The following PARN variants were observed in gnomAD, a reference collection of about 807,000 sequenced individuals.
PARN encodes the protein poly(A)-specific ribonuclease PARN.
A neutral mutation model predicts 102.8 loss-of-function variants in PARN; 71 were observed. The observed-to-expected ratio is 0.69, with a 90% CI of 0.57 to 0.84. The LOEUF (loss-of-function observed/expected upper bound fraction) is 0.84. PARN is among the 40% of genes least tolerant of loss of function. The probability of loss-of-function intolerance (pLI) is 0.00; values close to 1 mark genes in which losing one functional copy is unlikely to be tolerated. For synonymous variants in PARN, 261 were observed against 252.9 expected, an observed-to-expected ratio of 1.03 and a Z score of -0.30; for missense variants, 782 against 760.9, an observed-to-expected ratio of 1.03 and a Z score of -0.33.
chr16:14,551,678 T>C (rs1967312423), intron 21 of PARN, among the ~76,000 whole-genome samples: 3 of 152,194 alleles, frequency 2.0e-5, no homozygotes, highest in Non-Finnish European at 2.9e-5. Context: ...AGTACAGAGA[T>C]GAACAGGTCA....
intron 22 of PARN, among the ~76,000 whole-genome samples, chr16:14,481,831 A>G (rs977442326): frequency 2.6e-5 from 4 of 152,158 alleles, no homozygotes; most frequent in Admixed American, 6.5e-5. Context: ...TGTGTTTTGT[A>G]GTTTCACAAA....
rs183381572 is a variant in PARN at position 14,539,001 on chromosome 16, C to A, written c.1480+13020G>T. Among the ~76,000 whole-genome samples the A allele has an allele frequency of 2.0e-3, 300 of 152,242 alleles. 2 individuals carry two copies. The highest frequency in any genetic ancestry group is 7.0e-3 in the African/African-American group (291 of 41,530). On this transcript the variant is annotated intron_variant, in intron 21 of 23. Coordinates refer to ENST00000437198, the MANE Select transcript of PARN (RefSeq NM_002582.4). ...ACCCCCAGATGGGACTGTCTAGTTG[C>A]AGGAAAACAAGGTCAGGGCTCCCAA...
At chr16:14,554,234 A>G (rs1353807738) in intron 19 of PARN, 83 bp from the exon 20 acceptor site, 4 of 891,218 alleles carry the variant, frequency 4.5e-6, no homozygotes, top group Non-Finnish European at 7.1e-6. Flanking sequence ...ACTAAGTCTG[A>G]GCTAATTTGG....
intron 5 of PARN, among the ~76,000 whole-genome samples, chr16:14,624,895 T>G (rs1015982395): frequency 6.6e-6 from 1 of 151,848 alleles, no homozygotes; most frequent in African/African-American, 2.4e-5. Flanking sequence ...CTACTAAAAA[T>G]ATAAAATAAG....
chr16:14,487,204 C>T (rs901350283), intron 21 of PARN, among the ~76,000 whole-genome samples: 2 of 152,204 alleles, frequency 1.3e-5, no homozygotes, highest in South Asian at 2.1e-4. Context: ...GACTGAGCAT[C>T]GGAGAAACTA....
At chr16:14,475,143 TC>T (rs1436309344) in intron 22 of PARN, among the ~76,000 whole-genome samples, 3 of 152,208 alleles carry the variant, frequency 2.0e-5, no homozygotes, top group Non-Finnish European at 4.4e-5. Flanking sequence ...GATTTTCCCA[TC>T]AGTTGAGATA....
At chr16:14,509,972 G>A (rs150855380) in intron 21 of PARN, among the ~76,000 whole-genome samples, 56 of 152,216 alleles carry the variant, frequency 3.7e-4, no homozygotes, top group Non-Finnish European at 4.7e-4. Context: ...ATTATCTTTC[G>A]GTGGAGAGGA....
At chr16:14,589,784 T>C (rs1003025598) in intron 13 of PARN, among the ~76,000 whole-genome samples, 1 of 151,316 alleles carries the variant, frequency 6.6e-6, no homozygotes, top group Non-Finnish European at 1.5e-5. Flanking sequence ...GAAGAATCGC[T>C]TGAACCCAGG....
At chr16:14,553,278 A>G (rs1323548764) in intron 20 of PARN, among the ~76,000 whole-genome samples, 2 of 132,510 alleles carry the variant, frequency 1.5e-5, no homozygotes, top group East Asian at 4.6e-4. Context: ...AAAAAAAAAA[A>G]GAAAGAAAAT....
chr16:14,487,588 C>T (rs1963782281), intron 21 of PARN, among the ~76,000 whole-genome samples: 1 of 152,090 alleles, frequency 6.6e-6, no homozygotes, highest in African/African-American at 2.4e-5. Flanking sequence ...TTTTAAACAA[C>T]TTCTGTGGAA....
At chr16:14,620,238 G>A (rs754561159) in intron 5 of PARN, among the ~76,000 whole-genome samples, 3 of 151,912 alleles carry the variant, frequency 2.0e-5, no homozygotes, top group Admixed American at 6.6e-5. Context: ...TTAGCCAGGC[G>A]CGGTAGTGGG....
chr16:14,498,939 C>T (rs1027771913), intron 21 of PARN, among the ~76,000 whole-genome samples: 3 of 152,236 alleles, frequency 2.0e-5, no homozygotes, highest in Non-Finnish European at 2.9e-5. Context: ...AGACCCTACA[C>T]GCTGAAACCC....
rs975983337 is a variant in PARN, at chr16:14,629,647, T to C, written c.47A>G (p.Tyr16Cys). ...GAAGTCGGCCTCCTCTATGGCCTGG[T>C]ACACTTTGTGAAGATTACTCTTAAA... is the stretch of plus-strand genomic sequence containing the variant. Reference protein sequence around the residue: ...SNFKSNLHKVYQAIEEADFFA... With the variant: ...SNFKSNLHKVCQAIEEADFFA... Residue 16 changes from tyrosine to cysteine, a missense_variant, in exon 2 of 24, where the codon TAC becomes TGC. Physicochemically the swap from Tyr to Cys is radical, Grantham distance 194 (BLOSUM62 -2). Transcript: ENST00000437198. The C allele has an allele frequency of 6.2e-7, 1 of 1,613,344 alleles. No homozygotes were observed. The highest frequency in any genetic ancestry group is 1.3e-5 in the African/African-American group (1 of 74,940).
At chr16:14,581,652 G>A (rs530437393) in intron 17 of PARN, among the ~76,000 whole-genome samples, 1 of 152,306 alleles carries the variant, frequency 6.6e-6, no homozygotes, top group African/African-American at 2.4e-5. Context: ...GGGTGCGGTG[G>A]CTCAAGCCTG....
At chr16:14,594,506 G>A (rs1376333056) in intron 12 of PARN, among the ~76,000 whole-genome samples, 4 of 152,142 alleles carry the variant, frequency 2.6e-5, no homozygotes, top group African/African-American at 9.7e-5. Flanking sequence ...CCTGAGGTCG[G>A]GAGTTTGAGA....
At chr16:14,540,161 C>T (rs1966786653) in intron 21 of PARN, among the ~76,000 whole-genome samples, 1 of 152,116 alleles carries the variant, frequency 6.6e-6, no homozygotes, top group African/African-American at 2.4e-5. Context: ...ATCATATATC[C>T]TCCTCCAAAA....
chr16:14,628,146 A>C lies in PARN; in HGVS notation c.177+26T>G, dbSNP rs763735993. 22 of 1,336,014 alleles carry C rather than the reference A, an allele frequency of 1.6e-5. No individual in the cohort carries two copies. The African/African-American group carries it at 2.0e-4, about 12-fold the overall frequency. The allele number at this position is 1,336,014 out of a possible 1,614,324, so 82.8% of individuals were successfully genotyped here. ...TAAGGAAGACTAACATGAGAAAGAA[A>C]AAGATTTCCTAGCACATCCACTTGC... is the stretch of plus-strand genomic sequence containing the variant. On this transcript the variant is annotated intron_variant, in intron 3 of 23. Coordinates refer to ENST00000437198, the MANE Select transcript of PARN (RefSeq NM_002582.4).
intron 18 of PARN, among the ~76,000 whole-genome samples, chr16:14,571,737 T>A (rs1968826037): frequency 6.6e-6 from 1 of 152,172 alleles, no homozygotes; most frequent in South Asian, 2.1e-4. Flanking sequence ...ACACACTCTC[T>A]CATTTCATCC....
At chr16:14,510,138 T>C (rs527573781) in intron 21 of PARN, among the ~76,000 whole-genome samples, 1 of 152,290 alleles carries the variant, frequency 6.6e-6, no homozygotes, top group African/African-American at 2.4e-5. Flanking sequence ...TCAGGCATCT[T>C]TGCAGCCCGA....
Sources: gnomAD v4.1 joint callset for allele counts (sites outside exome capture counted in the v4.1 genomes callset) on GRCh38, gnomAD v4.1.1 for gene constraint, MANE v1.5 for transcripts, NCBI Gene and HGNC (gene_info 2026-07-23, HGNC 2026-07-21) for gene names.